The following SUCLG2 variants were observed in gnomAD, a reference collection of about 807,000 sequenced individuals.
SUCLG2 encodes the protein succinate--CoA ligase [GDP-forming] subunit beta, mitochondrial.
In SUCLG2, 42 loss-of-function variants were observed where a neutral mutation model predicts 47.9. The ratio of observed to expected loss-of-function variants is 0.88; its 90% CI spans 0.69 to 1.14. The LOEUF (loss-of-function observed/expected upper bound fraction) is 1.14. Among genes scored for constraint, SUCLG2 ranks in the 50% most tolerant of loss-of-function variants. SUCLG2 has a pLI of 0.00. For missense variants in SUCLG2, 571 were observed against 525.9 expected (o/e 1.09, Z -0.84); for synonymous variants, 195 against 197.3 (o/e 0.99, Z 0.10).
chr3:67,362,510 C>T (rs557229412), intron 10 of SUCLG2, among the ~76,000 whole-genome samples: 1 of 152,222 alleles, frequency 6.6e-6, no homozygotes, highest in South Asian at 2.1e-4. Flanking sequence ...GAATGATAAT[C>T]TAATTTTTTT....
chr3:67,392,276 A>G (rs1702405950), intron 10 of SUCLG2, among the ~76,000 whole-genome samples: 1 of 151,810 alleles, frequency 6.6e-6, no homozygotes, highest in Admixed American at 6.6e-5. Flanking sequence ...TCCCTGCAGA[A>G]CCCCCTTGCT....
intron 2 of SUCLG2, among the ~76,000 whole-genome samples, chr3:67,598,181 T>C (rs1575806167): frequency 6.6e-6 from 1 of 152,074 alleles, no homozygotes; most frequent in African/African-American, 2.4e-5. Flanking sequence ...GGGGTTTCAC[T>C]GTGTTGCCCA....
intron 1 of SUCLG2, 96 bp downstream of exon 1, chr3:67,654,407 G>A (rs1701347475): frequency 4.8e-6 from 5 of 1,040,746 alleles, no homozygotes; most frequent in Admixed American, 4.3e-5. Context: ...GGGCCGCGCA[G>A]GGGGTCAGGC....
At chr3:67,424,429 T>C (rs1016711300) in intron 9 of SUCLG2, among the ~76,000 whole-genome samples, 6 of 152,142 alleles carry the variant, frequency 3.9e-5, no homozygotes, top group African/African-American at 1.4e-4. Context: ...TCCTAAAATG[T>C]AGGATGATGC....
At chr3:67,548,870 A>T (rs1706935483) in intron 2 of SUCLG2, among the ~76,000 whole-genome samples, 1 of 152,182 alleles carries the variant, frequency 6.6e-6, no homozygotes, top group Admixed American at 6.5e-5. Context: ...CAGGTATGAG[A>T]CTATCCAAAG....
At chr3:67,634,878 C>T (rs190607516) in intron 1 of SUCLG2, among the ~76,000 whole-genome samples, 1 of 152,330 alleles carries the variant, frequency 6.6e-6, no homozygotes, top group Admixed American at 6.5e-5. Flanking sequence ...ATATGTCATA[C>T]TAACCAATCT....
At chr3:67,473,396 T>A (rs982598069) in intron 9 of SUCLG2, among the ~76,000 whole-genome samples, 5 of 152,168 alleles carry the variant, frequency 3.3e-5, no homozygotes, top group Admixed American at 3.3e-4. Flanking sequence ...AGGAAATAAA[T>A]CCCTCAGACA....
intron 9 of SUCLG2, among the ~76,000 whole-genome samples, chr3:67,437,783 A>G (rs1703661131): frequency 6.6e-6 from 1 of 152,196 alleles, no homozygotes; most frequent in Non-Finnish European, 1.5e-5. Flanking sequence ...ATAAAAAATT[A>G]TAATCATCAG....
chr3:67,518,122 G>GA, intron 6 of SUCLG2, 125 bp downstream of exon 6: 1 of 828,392 alleles, frequency 1.2e-6, no homozygotes, highest in Non-Finnish European at 1.9e-6. Flanking sequence ...ACAGCTGGAG[G>GA]AAAAAATTAT....
At chr3:67,524,378 G>A (rs540188231) in intron 4 of SUCLG2, among the ~76,000 whole-genome samples, 34 of 152,260 alleles carry the variant, frequency 2.2e-4, no homozygotes, top group Admixed American at 3.3e-4. Context: ...GAGTGCTAGC[G>A]TACAAACTAT....
At chr3:67,487,046 G>T (rs1316206745) in intron 9 of SUCLG2, among the ~76,000 whole-genome samples, 2 of 151,736 alleles carry the variant, frequency 1.3e-5, no homozygotes, top group Non-Finnish European at 3.0e-5. Flanking sequence ...AAACAATGTA[G>T]ATTAGATTAC....
intron 9 of SUCLG2, among the ~76,000 whole-genome samples, chr3:67,450,951 T>C (rs1000765101): frequency 1.3e-5 from 2 of 152,212 alleles, no homozygotes; most frequent in African/African-American, 2.4e-5. Context: ...GTCCATCAGG[T>C]AGCGTTTATT....
chr3:67,599,442 CAGT>C (rs748819688), intron 2 of SUCLG2, among the ~76,000 whole-genome samples: 12 of 152,160 alleles, frequency 7.9e-5, no homozygotes, highest in Non-Finnish European at 1.6e-4. Context: ...AAACAAGGAA[CAGT>C]AGTAAGAAAT....
chr3:67,548,373 T>G (rs1457083185), intron 2 of SUCLG2, among the ~76,000 whole-genome samples: 1 of 152,238 alleles, frequency 6.6e-6, no homozygotes, highest in African/African-American at 2.4e-5. Context: ...TCACATTTTG[T>G]ACATGTGCTT....
chr3:67,496,831 C>G (rs577167704), intron 8 of SUCLG2, among the ~76,000 whole-genome samples: 2 of 151,998 alleles, frequency 1.3e-5, no homozygotes, highest in Non-Finnish European at 2.9e-5. Flanking sequence ...AGCAGAAACT[C>G]ACAAGGTAAA....
intron 9 of SUCLG2, among the ~76,000 whole-genome samples, chr3:67,423,292 G>GT (rs1217509236): frequency 6.6e-6 from 1 of 152,092 alleles, no homozygotes; most frequent in Non-Finnish European, 1.5e-5. Context: ...TGCCATGATT[G>GT]TAAGTTTCCT....
chr3:67,497,720 T>C (rs560959758), intron 8 of SUCLG2, among the ~76,000 whole-genome samples: 3 of 152,340 alleles, frequency 2.0e-5, no homozygotes, highest in Non-Finnish European at 4.4e-5. Flanking sequence ...TTAACTGAGA[T>C]GTTTTAAGTC....
chr3:67,368,369 C>T (rs1045465777), intron 10 of SUCLG2, among the ~76,000 whole-genome samples: 3 of 152,168 alleles, frequency 2.0e-5, no homozygotes, highest in Admixed American at 2.0e-4. Flanking sequence ...CACAATTTCA[C>T]ATTCATTTCA....
chr3:67,569,385 C>A (rs1299526726), intron 2 of SUCLG2, among the ~76,000 whole-genome samples: 1 of 152,194 alleles, frequency 6.6e-6, no homozygotes, highest in African/African-American at 2.4e-5. Flanking sequence ...TTTTCTTATA[C>A]ACAGATCTGA....
Sources: allele counts gnomAD v4.1 joint callset (sites outside exome capture counted in the v4.1 genomes callset), GRCh38; gene constraint gnomAD v4.1.1; transcripts MANE v1.5; gene names NCBI Gene and HGNC (gene_info 2026-07-23, HGNC 2026-07-21).